Variants in PLEKHG5 observed in about 807,000 individuals in gnomAD.
The protein encoded by PLEKHG5 is pleckstrin homology and RhoGEF domain containing G5.
Under a neutral mutation model 103.8 loss-of-function variants are expected in PLEKHG5, and 52 were observed. The ratio of observed to expected loss-of-function variants is 0.50; its 90% CI spans 0.40 to 0.63. PLEKHG5 has a LOEUF of 0.63. Among genes scored for constraint, PLEKHG5 ranks in the 30% least tolerant of loss-of-function variants. PLEKHG5 has a pLI of 0.00. For missense variants in PLEKHG5, 1,205 were observed against 1,347.6 expected, an observed-to-expected ratio of 0.89 and a Z score of 1.66; for synonymous variants, 592 against 575.5, an observed-to-expected ratio of 1.03 and a Z score of -0.41.
Position 6,477,513 on chromosome 1 carries a change from T to C in PLEKHG5, c.43+16A>G, listed in dbSNP as rs1569896732. The C allele has an allele frequency of 3.7e-6, 6 of 1,601,332 alleles. No individual in the cohort carries two copies. The highest frequency in any genetic ancestry group is 4.3e-6 in the Non-Finnish European group (5 of 1,172,630). ...GGAGCTCTGGGGGCCGAGCTGCGGC[T>C]CCCGCCTGTGCTCACCTTGTGGGGG... On this transcript the variant is annotated intron_variant, in intron 2 of 20. Coordinates refer to ENST00000377728, the MANE Select transcript of PLEKHG5 (RefSeq NM_020631.6).
At chr1:6,515,803 C>T (rs1638596146) in intron 1 of PLEKHG5, among the ~76,000 whole-genome samples, 1 of 152,160 alleles carries the variant, frequency 6.6e-6, no homozygotes, top group African/African-American at 2.4e-5. Context: ...CCCCAGAGTC[C>T]CCTACCGCTG....
At position 6,490,635 on chromosome 1, in the gene PLEKHG5, C is replaced by A; in HGVS notation, c.-88+1002G>T. ...GCCGCGCGGGCGCTACCACCTGGAC[C>A]GGCCGGGATGTACCAACGGCGCCGC... is the stretch of plus-strand genomic sequence containing the variant. On this transcript the variant is annotated intron_variant, in intron 1 of 20. Transcript: ENST00000377728. This position sits in a 1 kb window ranked among gnomAD's most constrained non-coding sequence, Gnocchi z 8.0. The A allele has an allele frequency of 2.0e-6, 2 of 984,004 alleles. No homozygotes were observed. The highest frequency in any genetic ancestry group is 2.4e-6 in the Non-Finnish European group (2 of 828,694). The allele number at this position is 984,004 out of a possible 1,614,324, so 61.0% of individuals were successfully genotyped here.
intron 1 of PLEKHG5, among the ~76,000 whole-genome samples, chr1:6,515,189 C>T (rs72861566): frequency 0.086 from 13,014 of 152,194 alleles, 1,740 homozygotes; most frequent in African/African-American, 0.29. Context: ...CCAACAGTGA[C>T]GGAGTCAATA....
rs914295277 is a variant in PLEKHG5 at position 6,486,429 on chromosome 1, C to G, written c.-88+5208G>C. ...AGAGCCTGAGCCCCAGGGACACCCC[C>G]TCACACCGACTGCTCACTGCCCAGG... On this transcript the variant is annotated intron_variant, in intron 1 of 20. Coordinates refer to ENST00000377728, the MANE Select transcript of PLEKHG5 (RefSeq NM_020631.6). The surrounding 1 kb of genome is among the most constrained non-coding windows in gnomAD (Gnocchi z 5.3). Among the ~76,000 whole-genome samples the G allele has an allele frequency of 6.6e-6, 1 of 152,224 alleles. No individual in the cohort carries two copies. Among genetic ancestry groups the G allele is most frequent in the Non-Finnish European group, 1.5e-5 (1 of 68,040 alleles).
chr1:6,468,650 G>A (rs1644469750), intron 19 of PLEKHG5, 64 bp from the exon 20 acceptor site: 2 of 1,564,268 alleles, frequency 1.3e-6, no homozygotes, highest in Non-Finnish European at 1.8e-6. Flanking sequence ...GCAGCCCCAG[G>A]CTGGGCAATG....
intron 1 of PLEKHG5, among the ~76,000 whole-genome samples, chr1:6,509,561 G>A (rs185034724): frequency 6.6e-6 from 1 of 152,336 alleles, no homozygotes; most frequent in African/African-American, 2.4e-5. Context: ...CTCGGGAGAC[G>A]TAGGCTCTGG....
chr1:6,496,397 C>T, upstream of PLEKHG5: 1 of 985,500 alleles, frequency 1.0e-6, no homozygotes, highest in Non-Finnish European at 1.6e-6. Flanking sequence ...GCGCCCGTGC[C>T]AGGGCTCTGT....
rs549467255 is a variant in PLEKHG5 at position 6,469,263 on chromosome 1, A to G, written c.2050-22T>C. 1.1e-5 allele frequency: 18 copies of G among 1,613,822 alleles called. No individual in the cohort carries two copies. In the East Asian group the frequency reaches 2.0e-4, roughly 18 times the overall value. On this transcript the variant is annotated intron_variant, in intron 18 of 20. Transcript: ENST00000377728. ...GGTTCTGCAGGCAAGGTTGGGGTAC[A>G]TGGGACAGAATGGGTTGTGACCAGC...
At position 6,491,549 on chromosome 1, in the gene PLEKHG5, G is replaced by T; in HGVS notation, c.-88+88C>A. ...TCACTTCCAGAGATGGCCCAAACCT[G>T]GCCATTCCCTGGGGCATCCTGGTCT... On this transcript the variant is annotated intron_variant, in intron 1 of 20. Coordinates refer to ENST00000377728, the MANE Select transcript of PLEKHG5 (RefSeq NM_020631.6). The surrounding 1 kb of genome is among the most constrained non-coding windows in gnomAD (Gnocchi z 4.1). 3.2e-6 allele frequency: 2 copies of T among 623,998 alleles called. No homozygotes were observed. The highest frequency in any genetic ancestry group is 4.0e-6 in the Non-Finnish European group (2 of 500,598). The allele number at this position is 623,998 out of a possible 1,614,324, so 38.7% of individuals were successfully genotyped here. A position where few individuals can be genotyped will look rare whatever the true frequency, so the allele number is the denominator to read the frequency against.
intron 3 of PLEKHG5, 151 bp downstream of exon 3, chr1:6,475,780 C>T: frequency 1.0e-5 from 8 of 799,196 alleles, no homozygotes; most frequent in Non-Finnish European, 1.7e-5. Context: ...GTGGCCTCTT[C>T]CCGGAGTCAG....
chr1:6,471,983 C>T (rs1644606537), intron 10 of PLEKHG5, among the ~76,000 whole-genome samples, 175 bp from the exon 11 acceptor site: 1 of 152,222 alleles, frequency 6.6e-6, no homozygotes, highest in African/African-American at 2.4e-5. Flanking sequence ...AGTCCAGACC[C>T]TGAGGAAAGA....
chr1:6,515,990 A>T (rs1376266095), intron 1 of PLEKHG5, among the ~76,000 whole-genome samples: 1 of 152,218 alleles, frequency 6.6e-6, no homozygotes, highest in Non-Finnish European at 1.5e-5. Flanking sequence ...GGCTGTCTGG[A>T]TGACAATCTG....
chr1:6,467,723 C>T (rs1644425086), intron 20 of PLEKHG5, 102 bp downstream of exon 20: 3 of 1,511,478 alleles, frequency 2.0e-6, no homozygotes, highest in East Asian at 2.3e-5. Context: ...GGTTCAGGCT[C>T]CCTCCGCCAT....
In PLEKHG5 at chr1:6,474,933, C is replaced by A; in HGVS notation, c.302+114G>T. 7 of 807,872 alleles carry A rather than the reference C, an allele frequency of 8.7e-6. No individual in the cohort carries two copies. The South Asian group carries it at 9.4e-5, about 11-fold the overall frequency. 50.0% of individuals were successfully genotyped at this position (807,872 alleles called of 1,614,324 possible). ...GTCTGCCCACGCAGGGATGCGCTCG[C>A]TCACGGGCCACCACACAGACACACA... On this transcript the variant is annotated intron_variant, in intron 5 of 20. Transcript: ENST00000377728.
At chr1:6,474,238 C>T (rs1434114077) in intron 6 of PLEKHG5, 74 bp from the exon 7 acceptor site, 46 of 1,557,022 alleles carry the variant, frequency 3.0e-5, no homozygotes, top group East Asian at 7.0e-5. Context: ...CCTCTCTCCC[C>T]GGAGGATCCA....
rs143032684 is a variant in PLEKHG5, at chr1:6,509,789, A to G, written c.-165+9656T>C. Among the ~76,000 whole-genome samples the G allele has an allele frequency of 3.4e-3, 516 of 152,342 alleles. 2 individuals carry two copies. Among genetic ancestry groups the G allele is most frequent in the Non-Finnish European group, 4.5e-3 (307 of 68,026 alleles). ...GATTCCACATCTGTAAAATGGGTTA[A>G]GGAGAGAGCCCCCCAGGGTGTCATC... On this transcript the variant is annotated intron_variant, in intron 1 of 21. Coordinates refer to the PLEKHG5 transcript ENST00000377740.
upstream of PLEKHG5, chr1:6,497,025 G>C: frequency 6.6e-7 from 1 of 1,521,494 alleles, no homozygotes; most frequent in Non-Finnish European, 8.8e-7. This position sits in a 1 kb window ranked among gnomAD's most constrained non-coding sequence, Gnocchi z 6.1. Flanking sequence ...CGTTCCCCAA[G>C]ACTCATCTTT....
In PLEKHG5 at chr1:6,474,721, G is replaced by A. The variant is rs2986751; in HGVS notation, c.303-134C>T. ...CCTTCCCAACGGAAAAGGGAAGCCC[G>A]CATGGGATCACACGCAGGTCCACAG... On this transcript the variant is annotated intron_variant, in intron 5 of 20. Coordinates refer to ENST00000377728, the MANE Select transcript of PLEKHG5 (RefSeq NM_020631.6). 71,179 of 793,226 alleles carry A rather than the reference G, an allele frequency of 0.09. 5,289 individuals are homozygous for A. Among genetic ancestry groups the A allele is most frequent in the African/African-American group, 0.37 (20,273 of 54,434 alleles). The allele number at this position is 793,226 out of a possible 1,614,324, so 49.1% of individuals were successfully genotyped here.
chr1:6,482,447 G>A (rs1288493800), intron 1 of PLEKHG5, among the ~76,000 whole-genome samples: 1 of 152,202 alleles, frequency 6.6e-6, no homozygotes, highest in Non-Finnish European at 1.5e-5. Flanking sequence ...AGCAGAGAAA[G>A]TGACAGGAGG....
Sources: allele counts gnomAD v4.1 joint callset (sites outside exome capture counted in the v4.1 genomes callset), GRCh38; gene constraint gnomAD v4.1.1; non-coding constraint Gnocchi (gnomAD v3.1); transcripts MANE v1.5; gene names NCBI Gene and HGNC (gene_info 2026-07-23, HGNC 2026-07-21).